Variants in RSU1 observed in about 807,000 individuals in gnomAD.
The protein encoded by RSU1 is rsu-1.
A neutral mutation model predicts 31.1 loss-of-function variants in RSU1; 26 were observed. That is an observed-to-expected ratio of 0.84 (90% confidence interval 0.61 to 1.16). The LOEUF is 1.16. RSU1 is among the 50% of genes most tolerant of loss of function. RSU1 has a pLI of 0.00. For missense variants in RSU1, 320 were observed against 339.1 expected (o/e 0.94, Z 0.44); for synonymous variants, 164 against 136.3 (o/e 1.20, Z -1.41).
At chr10:16,777,153 C>G (rs1837550116) in intron 3 of RSU1, among the ~76,000 whole-genome samples, 1 of 152,000 alleles carries the variant, frequency 6.6e-6, no homozygotes, top group African/African-American at 2.4e-5. Context: ...TGGAATTGAG[C>G]AGTATACGAA....
intron 7 of RSU1, among the ~76,000 whole-genome samples, chr10:16,710,721 G>A (rs1245384567): frequency 6.6e-6 from 1 of 151,776 alleles, no homozygotes; most frequent in Admixed American, 6.6e-5. Context: ...AGAAAGTGCA[G>A]GTTTGTTACA....
At chr10:16,726,658 T>C (rs1451123978) in intron 7 of RSU1, among the ~76,000 whole-genome samples, 1 of 152,194 alleles carries the variant, frequency 6.6e-6, no homozygotes, top group Admixed American at 6.5e-5. Context: ...TTTCTGAATG[T>C]TTCAGTTGGT....
intron 8 of RSU1, among the ~76,000 whole-genome samples, chr10:16,692,884 C>A (rs1180218284): frequency 6.6e-6 from 1 of 152,152 alleles, no homozygotes; most frequent in Non-Finnish European, 1.5e-5. Context: ...GTAATCTAAA[C>A]CACGCTTTAC....
intron 8 of RSU1, among the ~76,000 whole-genome samples, chr10:16,626,602 C>G (rs1335405575): frequency 2.6e-5 from 4 of 152,174 alleles, no homozygotes; most frequent in Non-Finnish European, 2.9e-5. Flanking sequence ...ATTCTGGGGT[C>G]AGACAGATCA....
chr10:16,778,417 G>C (rs1461865694), intron 3 of RSU1, among the ~76,000 whole-genome samples: 1 of 151,992 alleles, frequency 6.6e-6, no homozygotes, highest in Non-Finnish European at 1.5e-5. Flanking sequence ...ATACCTCCTG[G>C]GAGCAATGAA....
At chr10:16,781,246 C>A (rs1411753280) in intron 3 of RSU1, among the ~76,000 whole-genome samples, 2 of 152,142 alleles carry the variant, frequency 1.3e-5, no homozygotes, top group African/African-American at 4.8e-5. Context: ...TTTAAAGCCA[C>A]AGCTCTACGA....
At chr10:16,762,239 C>T (rs1837223369) in intron 4 of RSU1, among the ~76,000 whole-genome samples, 1 of 151,934 alleles carries the variant, frequency 6.6e-6, no homozygotes, top group African/African-American at 2.4e-5. Flanking sequence ...CAATAGCTAA[C>T]TAATACTAGG....
rs760482675 is a variant in RSU1, at chr10:16,593,500, C to CAAAG, written c.732-8_732-5dup. ...CTGCATGTGTCTGCCGTAGAGGCTG[C>CAAAG]AAAGACAGAGAAAGGACACTATCAG... On this transcript the variant is annotated splice_polypyrimidine_tract_variant and splice_region_variant and intron_variant, in intron 8 of 8. Coordinates refer to ENST00000345264, the MANE Select transcript of RSU1 (RefSeq NM_012425.4). 6.2e-7 allele frequency: 1 copy of CAAAG among 1,608,022 alleles called. No homozygotes were observed. The highest frequency in any genetic ancestry group is 1.3e-5 in the African/African-American group (1 of 74,886).
intron 7 of RSU1, among the ~76,000 whole-genome samples, chr10:16,699,456 G>A (rs528701078): frequency 8.7e-4 from 132 of 152,212 alleles, no homozygotes; most frequent in African/African-American, 2.7e-3. Context: ...CCATTGCCTC[G>A]GCAGAGCTCG....
At chr10:16,736,892 G>A (rs1328451845) in intron 7 of RSU1, among the ~76,000 whole-genome samples, 1 of 152,004 alleles carries the variant, frequency 6.6e-6, no homozygotes, top group Non-Finnish European at 1.5e-5. Context: ...AGTGAAAAAT[G>A]CAACATCTGA....
At chr10:16,620,823 C>T (rs1162387370) in intron 8 of RSU1, among the ~76,000 whole-genome samples, 8 of 146,644 alleles carry the variant, frequency 5.5e-5, no homozygotes, top group Admixed American at 4.8e-4. Context: ...CCAGCCTGGG[C>T]AACAGAGCGA....
chr10:16,816,951 AG>A, intron 2 of RSU1, 21 bp downstream of exon 2: 1 of 1,520,704 alleles, frequency 6.6e-7, no homozygotes, highest in African/African-American at 1.4e-5. Flanking sequence ...CATCCACGGG[AG>A]AGTCCTGCCC....
chr10:16,720,273 A>C (rs1836226700), intron 7 of RSU1, among the ~76,000 whole-genome samples: 1 of 152,246 alleles, frequency 6.6e-6, no homozygotes, highest in African/African-American at 2.4e-5. Flanking sequence ...TTATGACAGA[A>C]AACATAGAGT....
intron 8 of RSU1, among the ~76,000 whole-genome samples, chr10:16,630,293 C>G (rs1250885184): frequency 6.6e-6 from 1 of 152,176 alleles, no homozygotes; most frequent in Non-Finnish European, 1.5e-5. Flanking sequence ...CTAAATAAAG[C>G]TACCCATTTC....
rs1290352090 is a variant in RSU1, at chr10:16,774,409, T to C, written c.160+7625A>G. Among the ~76,000 whole-genome samples, 3 of 151,918 alleles carry C rather than the reference T, an allele frequency of 2.0e-5. No homozygotes were observed. In the East Asian group the frequency reaches 5.8e-4, roughly 30 times the overall value. On this transcript the variant is annotated intron_variant, in intron 3 of 8. Transcript: ENST00000345264. ...CCAACATGGTGAAACCCGTCTCTAC[T>C]AAAAACAAAAACTAGCTGGGCATGG... is the stretch of plus-strand genomic sequence containing the variant.
At chr10:16,748,576 C>T (rs543172249) in intron 7 of RSU1, among the ~76,000 whole-genome samples, 2 of 152,156 alleles carry the variant, frequency 1.3e-5, no homozygotes, top group South Asian at 2.1e-4. Flanking sequence ...CCATTTCACC[C>T]GGAGTAAAAG....
chr10:16,740,562 T>C (rs1031595338), intron 7 of RSU1, among the ~76,000 whole-genome samples: 26 of 152,238 alleles, frequency 1.7e-4, no homozygotes, highest in African/African-American at 5.8e-4. Flanking sequence ...ACAGCTCTCA[T>C]AAAGAGAAAA....
intron 8 of RSU1, among the ~76,000 whole-genome samples, chr10:16,670,650 C>G (rs908828589): frequency 4.6e-5 from 7 of 152,286 alleles, no homozygotes; most frequent in African/African-American, 1.7e-4. Flanking sequence ...AAGGGTCTCC[C>G]AAAACCTCAA....
At chr10:16,750,474 C>T (rs1836955350) in intron 7 of RSU1, among the ~76,000 whole-genome samples, 1 of 152,054 alleles carries the variant, frequency 6.6e-6, no homozygotes, top group African/African-American at 2.4e-5. Context: ...TGACCTCATG[C>T]AGTATTTAAA....
Sources: gnomAD v4.1 joint callset for allele counts (sites outside exome capture counted in the v4.1 genomes callset) on GRCh38, gnomAD v4.1.1 for gene constraint, MANE v1.5 for transcripts, NCBI Gene and HGNC (gene_info 2026-07-23, HGNC 2026-07-21) for gene names.